Variants in KDM4C observed in about 807,000 individuals in gnomAD.
The protein encoded by KDM4C is lysine-specific demethylase 4C.
A neutral mutation model predicts 129.3 loss-of-function variants in KDM4C; 81 were observed. The ratio of observed to expected loss-of-function variants is 0.63; its 90% confidence interval spans 0.52 to 0.75. The LOEUF (loss-of-function observed/expected upper bound fraction) is 0.75, where lower values mean the gene tolerates loss of function less well. Ranked by LOEUF, KDM4C falls within the 30% of genes least tolerant of loss-of-function variation. The probability of loss-of-function intolerance (pLI) is 0.00; values close to 1 mark genes in which losing one functional copy is unlikely to be tolerated. For synonymous variants in KDM4C, 573 were observed against 456.1 expected (o/e 1.26, Z -3.26); for missense variants, 1,457 against 1,304.0 (o/e 1.12, Z -1.81).
intron 17 of KDM4C, among the ~76,000 whole-genome samples, chr9:7,063,058 G>A (rs1434526123): frequency 6.6e-6 from 1 of 152,038 alleles, no homozygotes; most frequent in Non-Finnish European, 1.5e-5. Flanking sequence ...AAATGTTTCT[G>A]TTTATGGATA....
chr9:7,005,579 A>G (rs1376072083), intron 12 of KDM4C, among the ~76,000 whole-genome samples: 1 of 151,984 alleles, frequency 6.6e-6, no homozygotes, highest in Non-Finnish European at 1.5e-5. Context: ...AATTTTGCAA[A>G]CTCTCAAGGC....
chr9:6,761,563 G>A (rs1275520856), intron 1 of KDM4C, among the ~76,000 whole-genome samples: 2 of 151,972 alleles, frequency 1.3e-5, no homozygotes, highest in East Asian at 3.9e-4. Flanking sequence ...CAAGCAGTCC[G>A]CTTGCCCCAG....
chr9:6,807,462 C>T (rs1158112912), intron 3 of KDM4C, among the ~76,000 whole-genome samples: 1 of 146,468 alleles, frequency 6.8e-6, no homozygotes, highest in Non-Finnish European at 1.5e-5. Context: ...GCCGCCATCA[C>T]ATCTAGGAAG....
intron 15 of KDM4C, among the ~76,000 whole-genome samples, chr9:7,032,090 A>C (rs1826876697): frequency 6.6e-6 from 1 of 152,174 alleles, no homozygotes; most frequent in African/African-American, 2.4e-5. Context: ...AACCCCTGTA[A>C]CTCTGTATTT....
In KDM4C at chr9:6,957,448, G is replaced by T. The variant is rs564264550; in HGVS notation, c.922-23477G>T. Among the ~76,000 whole-genome samples the T allele has an allele frequency of 3.9e-5, 6 of 152,228 alleles. No homozygotes were observed. In the South Asian group the frequency reaches 1.2e-3, roughly 32 times the overall value. ...GGGACCCTGTTCTTTCCAGGGAAAA[G>T]AAACCTGCCTTTTGGCCACTTTTAG... On this transcript the variant is annotated intron_variant, in intron 8 of 21. Coordinates refer to ENST00000381309, the MANE Select transcript of KDM4C (RefSeq NM_015061.6).
intron 4 of KDM4C, among the ~76,000 whole-genome samples, chr9:6,847,636 C>G (rs111517810): frequency 2.0e-5 from 3 of 152,120 alleles, no homozygotes; most frequent in African/African-American, 7.2e-5. Flanking sequence ...ATGATCCACC[C>G]GCCTCGGCCT....
chr9:6,853,930 T>G (rs1292336833), intron 5 of KDM4C, among the ~76,000 whole-genome samples: 2 of 152,204 alleles, frequency 1.3e-5, no homozygotes, highest in Non-Finnish European at 2.9e-5. Flanking sequence ...TTAAGGGATA[T>G]CTAGGAGGGT....
chr9:6,868,688 C>T (rs115380655), intron 5 of KDM4C, among the ~76,000 whole-genome samples: 3,639 of 151,830 alleles, frequency 0.024, 145 homozygotes, highest in African/African-American at 0.083. Context: ...CAGACACGAC[C>T]GTTTCCCCTC....
intron 11 of KDM4C, among the ~76,000 whole-genome samples, chr9:6,989,715 A>G (rs1485598431): frequency 8.5e-5 from 13 of 152,140 alleles, no homozygotes. Flanking sequence ...TTAACATGGG[A>G]ACATCTTAGA....
At chr9:6,961,317 A>G (rs1420174244) in intron 8 of KDM4C, among the ~76,000 whole-genome samples, 3 of 152,132 alleles carry the variant, frequency 2.0e-5, no homozygotes, top group Admixed American at 6.5e-5. Context: ...TGCAGCACTA[A>G]ACGTGGGGTG....
At chr9:7,099,447 A>G (rs1209688670) in intron 17 of KDM4C, among the ~76,000 whole-genome samples, 1 of 152,210 alleles carries the variant, frequency 6.6e-6, no homozygotes, top group Non-Finnish European at 1.5e-5. Context: ...AAGTATGGAA[A>G]TCCAGTCCCC....
At chr9:6,884,761 C>G (rs547200266) in intron 6 of KDM4C, among the ~76,000 whole-genome samples, 5 of 152,272 alleles carry the variant, frequency 3.3e-5, no homozygotes, top group African/African-American at 1.2e-4. Flanking sequence ...TGATCTTAAA[C>G]TCTTTTCTCA....
At chr9:7,099,003 C>T (rs533322750) in intron 17 of KDM4C, among the ~76,000 whole-genome samples, 16 of 152,268 alleles carry the variant, frequency 1.1e-4, no homozygotes, top group African/African-American at 3.6e-4. Flanking sequence ...TAGTGATGTC[C>T]GTTGAGCCAA....
At chr9:7,116,940 G>C (rs898993434) in intron 18 of KDM4C, among the ~76,000 whole-genome samples, 2 of 152,130 alleles carry the variant, frequency 1.3e-5, no homozygotes, top group Non-Finnish European at 2.9e-5. Context: ...GTAGATAAGA[G>C]TTACAAAAGT....
rs183995595 is a variant in KDM4C at position 7,011,486 on chromosome 9, C to T, written c.1787-212C>T. 7.9e-5 allele frequency among the ~76,000 whole-genome samples: 12 copies of T among 152,162 alleles called. No homozygotes were observed. In the South Asian group the frequency reaches 1.2e-3, roughly 16 times the overall value. The stretch of plus-strand genomic sequence containing the variant: ...TACAAAATGAGGGTGGTTGTCTGGC[C>T]GTGGGATCTGATCTAGTCTTTGAGG... On this transcript the variant is annotated intron_variant, in intron 12 of 21. Coordinates refer to ENST00000381309, the MANE Select transcript of KDM4C (RefSeq NM_015061.6).
At chr9:6,991,001 G>A (rs1169103671) in intron 12 of KDM4C, among the ~76,000 whole-genome samples, 2 of 151,838 alleles carry the variant, frequency 1.3e-5, no homozygotes, top group Non-Finnish European at 2.9e-5. Context: ...TCACTAGATC[G>A]CTGTGATGCA....
At chr9:6,830,738 G>A (rs1834674795) in intron 4 of KDM4C, among the ~76,000 whole-genome samples, 1 of 152,144 alleles carries the variant, frequency 6.6e-6, no homozygotes, top group African/African-American at 2.4e-5. Flanking sequence ...TGAAAATGAG[G>A]CCACTGGAAG....
At chr9:7,030,266 T>C (rs1587054272) in intron 15 of KDM4C, among the ~76,000 whole-genome samples, 1 of 152,178 alleles carries the variant, frequency 6.6e-6, no homozygotes, top group Non-Finnish European at 1.5e-5. Flanking sequence ...AAGAGAAATA[T>C]AGAAGAATAA....
At chr9:6,748,874 A>G (rs761611541) in intron 1 of KDM4C, 3 of 998,434 alleles carry the variant, frequency 3.0e-6, no homozygotes, top group African/African-American at 3.1e-5. Flanking sequence ...TCACTTGCTC[A>G]TAGAGCCACA....
Sources: gnomAD v4.1 joint callset for allele counts (sites outside exome capture counted in the v4.1 genomes callset) on GRCh38, gnomAD v4.1.1 for gene constraint, MANE v1.5 for transcripts, NCBI Gene and HGNC (gene_info 2026-07-23, HGNC 2026-07-21) for gene names.